Variants in PTBP3 observed in about 807,000 individuals in gnomAD.
PTBP3 encodes the protein polypyrimidine tract binding protein 3, also known as polypyrimidine tract-binding protein 3.
PTBP3 carries 20 observed loss-of-function variants against 58.7 expected under a neutral mutation model. The observed-to-expected ratio is 0.34, with a 90% CI of 0.24 to 0.50. The LOEUF is 0.50. Ranked by LOEUF, PTBP3 falls within the 20% of genes least tolerant of loss-of-function variation. The pLI is 0.98. For missense variants in PTBP3, 509 were observed against 637.2 expected (o/e 0.80, Z 2.17); for synonymous variants, 185 against 219.8 (o/e 0.84, Z 1.40).
chr9:112,220,565 C>T lies in PTBP3; in HGVS notation c.*3286G>A. 1 of 1,006,048 alleles carries T rather than the reference C, an allele frequency of 9.9e-7. No homozygotes were observed. Among genetic ancestry groups the T allele is most frequent in the Non-Finnish European group, 1.2e-6 (1 of 842,024 alleles). 62.3% of individuals were successfully genotyped at this position (1,006,048 alleles called of 1,614,324 possible). A position where few individuals can be genotyped will look rare whatever the true frequency, so the allele number is the denominator to read the frequency against. ...AGCTCAGCAACTTTTAACAGTAAATCAGAAACATTACTTCAAATAATTGAT... is the reference window on the plus strand; with the variant it reads ...AGCTCAGCAACTTTTAACAGTAAATTAGAAACATTACTTCAAATAATTGAT... On this transcript the variant is annotated 3_prime_UTR_variant, in exon 14 of 14. Coordinates refer to ENST00000374257, the MANE Select transcript of PTBP3 (RefSeq NM_001163788.4).
At chr9:112,376,151 T>C in the PTBP3 span, among the ~76,000 whole-genome samples, 1 of 69,170 alleles carries the variant, frequency 1.4e-5, no homozygotes, top group African/African-American at 7.9e-5. Flanking sequence ...CAGGGTTCTC[T>C]AGAGGATATA....
the PTBP3 span, among the ~76,000 whole-genome samples, chr9:112,379,502 T>C: frequency 2.0e-5 from 3 of 152,228 alleles, no homozygotes; most frequent in Non-Finnish European, 4.4e-5. Flanking sequence ...CAGAGAGCTC[T>C]GTTCCAAGAA....
At chr9:112,359,982 G>A in the PTBP3 span, among the ~76,000 whole-genome samples, 3 of 152,204 alleles carry the variant, frequency 2.0e-5, no homozygotes, top group Non-Finnish European at 4.4e-5. Flanking sequence ...TAGTATTAAA[G>A]AGGAACTTTC....
At position 112,223,033 on chromosome 9, in the gene PTBP3, A is replaced by G. The variant is rs756247335; in HGVS notation, c.*818T>C. The G allele has an allele frequency of 4.7e-6, 4 of 855,780 alleles. No individual in the cohort carries two copies. The highest frequency in any genetic ancestry group is 4.2e-6 in the Non-Finnish European group (3 of 711,686). The allele number at this position is 855,780 out of a possible 1,614,324, so 53.0% of individuals were successfully genotyped here. On this transcript the variant is annotated 3_prime_UTR_variant, in exon 14 of 14. Coordinates refer to ENST00000374257, the MANE Select transcript of PTBP3 (RefSeq NM_001163788.4). The stretch of plus-strand genomic sequence containing the variant: ...TATAAGTAGGATTATTTTTCTTTAA[A>G]ATTTTCCAAGATCATATTACTTGAC...
intron 1 of PTBP3, among the ~76,000 whole-genome samples, chr9:112,305,328 T>C (rs114897259): frequency 0.021 from 3,207 of 151,256 alleles, 119 homozygotes; most frequent in African/African-American, 0.07. Context: ...GGAATAGCCA[T>C]GCCAGAAAGA....
At chr9:112,373,608 T>A in the PTBP3 span, among the ~76,000 whole-genome samples, 1 of 152,164 alleles carries the variant, frequency 6.6e-6, no homozygotes, top group Non-Finnish European at 1.5e-5. Flanking sequence ...CTTGAACCCA[T>A]ACACATCTCC....
intron 9 of PTBP3, among the ~76,000 whole-genome samples, 154 bp downstream of exon 9, chr9:112,231,942 GAGA>G (rs1226090688): frequency 1.0e-4 from 8 of 78,186 alleles, no homozygotes; most frequent in Non-Finnish European, 1.5e-4. Flanking sequence ...GAGAAGAGAA[GAGA>G]AGAGAAGAGA....
chr9:112,346,112 G>A, the PTBP3 span, among the ~76,000 whole-genome samples: 1 of 152,044 alleles, frequency 6.6e-6, no homozygotes, highest in African/African-American at 2.4e-5. Flanking sequence ...CCAAAGTGCT[G>A]GGATTACAGG....
chr9:112,363,429 C>T, the PTBP3 span, among the ~76,000 whole-genome samples: 3 of 150,918 alleles, frequency 2.0e-5, no homozygotes, highest in Admixed American at 1.3e-4. Context: ...TGAAGTGGGC[C>T]GACTGCATGA....
intron 1 of PTBP3, among the ~76,000 whole-genome samples, chr9:112,319,120 T>A (rs1490063756): frequency 2.8e-5 from 3 of 108,670 alleles, no homozygotes; most frequent in African/African-American, 1.2e-4. Flanking sequence ...ACAGCGAAAC[T>A]CCGTCTCAAG....
intron 2 of PTBP3, among the ~76,000 whole-genome samples, chr9:112,295,800 T>C (rs1289165658): frequency 2.6e-5 from 4 of 152,050 alleles, no homozygotes; most frequent in Admixed American, 2.6e-4. Flanking sequence ...GGAAAGATAA[T>C]ACCAAAAAAT....
chr9:112,226,245 T>C lies in PTBP3; in HGVS notation c.1364+1166A>G, dbSNP rs1202740935. On this transcript the variant is annotated intron_variant, in intron 12 of 13. Transcript: ENST00000374257. ...CCGGCTGGTATGAGGTTTGATCCAC[T>C]GCCCCACTTGGATTCAAGGTTTCTC... 8.6e-5 allele frequency among the ~76,000 whole-genome samples: 13 copies of C among 152,006 alleles called. No homozygotes were observed. The East Asian group carries it at 2.3e-3, about 27-fold the overall frequency.
upstream of PTBP3, among the ~76,000 whole-genome samples, chr9:112,336,190 T>C (rs1830575241): frequency 6.6e-6 from 1 of 152,140 alleles, no homozygotes; most frequent in African/African-American, 2.4e-5. Context: ...TTTCATTTCA[T>C]AATTTAACCT....
intron 11 of PTBP3, 79 bp from the exon 12 acceptor site, chr9:112,227,706 T>G (rs1024050660): frequency 1.4e-5 from 15 of 1,095,636 alleles, no homozygotes; most frequent in Non-Finnish European, 1.9e-5. Flanking sequence ...TTACCATAAA[T>G]TATTTTTATG....
In PTBP3 at chr9:112,234,804, A is replaced by G. The variant is rs1439182722; in HGVS notation, c.880+16T>C. 3.8e-6 allele frequency: 6 copies of G among 1,596,166 alleles called. No individual in the cohort carries two copies. The East Asian group carries it at 1.3e-4, about 36-fold the overall frequency. ...CTTCATTAAAAGTCATTTCAAATCC[A>G]ACTTAAAAGAATCACCTGTAGCTTG... On this transcript the variant is annotated intron_variant, in intron 8 of 13. Transcript: ENST00000374257.
At chr9:112,349,445 C>T in the PTBP3 span, among the ~76,000 whole-genome samples, 1 of 152,132 alleles carries the variant, frequency 6.6e-6, no homozygotes, top group Admixed American at 6.5e-5. Context: ...ATCACAGGAA[C>T]CCCCCAATTA....
chr9:112,235,991 G>C (rs1266773069), intron 7 of PTBP3, among the ~76,000 whole-genome samples: 1 of 152,118 alleles, frequency 6.6e-6, no homozygotes, highest in African/African-American at 2.4e-5. Flanking sequence ...TAAAACAACA[G>C]TATTACAGAA....
At chr9:112,230,774 A>G (rs1156438503) in intron 10 of PTBP3, among the ~76,000 whole-genome samples, 1 of 152,238 alleles carries the variant, frequency 6.6e-6, no homozygotes, top group Admixed American at 6.5e-5. Context: ...AATCTTTAAA[A>G]TAGTAAATAT....
chr9:112,273,547 G>A (rs572489398), intron 3 of PTBP3, among the ~76,000 whole-genome samples: 1 of 152,216 alleles, frequency 6.6e-6, no homozygotes, highest in South Asian at 2.1e-4. Flanking sequence ...CAATATATCT[G>A]GAATATGATT....
Sources: gnomAD v4.1 joint callset for allele counts (sites outside exome capture counted in the v4.1 genomes callset) on GRCh38, gnomAD v4.1.1 for gene constraint, MANE v1.5 for transcripts, NCBI Gene and HGNC (gene_info 2026-07-23, HGNC 2026-07-21) for gene names.